Variants in ARHGEF11 observed in about 807,000 individuals in gnomAD.
The protein encoded by ARHGEF11 is Rho guanine nucleotide exchange factor 11, also known as Rho guanine exchange factor (GEF) 11.
A neutral mutation model predicts 193.7 loss-of-function variants in ARHGEF11; 55 were observed. The ratio of observed to expected loss-of-function variants is 0.28; its 90% CI spans 0.23 to 0.36. ARHGEF11 has a LOEUF of 0.36. Ranked by LOEUF, ARHGEF11 falls within the 10% of genes least tolerant of loss-of-function variation. The pLI, the probability that ARHGEF11 is intolerant of heterozygous loss-of-function variation, is 1.00. For synonymous variants in ARHGEF11, 693 were observed against 768.0 expected (o/e 0.90, Z 1.62); for missense variants, 1,723 against 2,005.6 (o/e 0.86, Z 2.69).
chr1:156,967,930 C>T, intron 11 of ARHGEF11, 57 bp downstream of exon 11: 2 of 1,611,122 alleles, frequency 1.2e-6, no homozygotes, highest in Admixed American at 1.7e-5. Flanking sequence ...AACACCCATG[C>T]CTCCAAATCT....
chr1:156,994,117 T>C (rs1413002738), intron 1 of ARHGEF11, among the ~76,000 whole-genome samples: 1 of 152,204 alleles, frequency 6.6e-6, no homozygotes. Flanking sequence ...ATCTTTCTTA[T>C]CTGCAAAATG....
chr1:156,957,679 T>G, intron 18 of ARHGEF11, 113 bp downstream of exon 18: 1 of 1,196,484 alleles, frequency 8.4e-7, no homozygotes, highest in Non-Finnish European at 1.2e-6. Context: ...CGGTCCTTCA[T>G]GGTTGTACAA....
chr1:156,991,628 T>C (rs1051771243), intron 1 of ARHGEF11, among the ~76,000 whole-genome samples: 3 of 151,900 alleles, frequency 2.0e-5, no homozygotes, highest in Middle Eastern at 3.4e-3. Flanking sequence ...TCTTAATCTG[T>C]TTTTATGTTA....
Position 156,948,327 on chromosome 1 carries a change from G to A in ARHGEF11, c.2097C>T (p.Leu699=), listed in dbSNP as rs1658531248. The change falls in exon 23 of 41, where the codon CTC becomes CTT. Residue 699 remains leucine, a synonymous_variant. Transcript: ENST00000368194. The surrounding 1 kb of genome is among the most constrained non-coding windows in gnomAD (Gnocchi z 4.2). ...GTTGTAGCCCTGCCCACCTGGTGGA[G>A]AGGCTGGAGGTAGAGGACGAGGCTG... is the stretch of plus-strand genomic sequence containing the variant. ...HQSASSSTSS[L]STRSLENPTP... is the part of the protein sequence containing the mutation. 2 of 1,613,892 alleles carry A rather than the reference G, an allele frequency of 1.2e-6. No homozygotes were observed. The highest frequency in any genetic ancestry group is 1.3e-5 in the African/African-American group (1 of 74,942).
At chr1:157,015,925 A>G (rs966485057) in intron 1 of ARHGEF11, among the ~76,000 whole-genome samples, 1 of 152,192 alleles carries the variant, frequency 6.6e-6, no homozygotes, top group Admixed American at 6.5e-5. Flanking sequence ...TCAACTGAGG[A>G]GGGGGAGAGA....
intron 33 of ARHGEF11, among the ~76,000 whole-genome samples, chr1:156,942,195 T>A (rs1480109126): frequency 6.6e-6 from 1 of 152,224 alleles, no homozygotes; most frequent in Non-Finnish European, 1.5e-5. Flanking sequence ...AACCCTCTGT[T>A]ACACTCTGTG....
Position 156,959,061 on chromosome 1 carries a change from T to C in ARHGEF11, c.1364A>G (p.Gln455Arg), listed in dbSNP as rs769287261. ...CTGGGCCAACCTGTAGTCGTGGATC[T>C]GCTCTTGGATCTCAGGCATGGCTGC... Reference protein sequence around the residue: ...QEAAMPEIQEQIHDYRTKRTL... With the variant: ...QEAAMPEIQERIHDYRTKRTL... Residue 455 changes from glutamine to arginine, a missense_variant, in exon 16 of 41, where the codon CAG (glutamine) becomes CGG (arginine). By Grantham distance (43) the Gln-to-Arg change is conservative. This residue lies in a region of ARHGEF11 where 646 missense variants were observed against 710.7 expected (regional missense o/e 0.91). Coordinates refer to ENST00000368194, the MANE Select transcript of ARHGEF11 (RefSeq NM_198236.3). The C allele has an allele frequency of 6.2e-7, 1 of 1,614,242 alleles. No homozygotes were observed. The highest frequency in any genetic ancestry group is 1.7e-5 in the Admixed American group (1 of 60,028).
chr1:157,018,029 G>A (rs1308240699), intron 1 of ARHGEF11, among the ~76,000 whole-genome samples: 1 of 152,002 alleles, frequency 6.6e-6, no homozygotes, highest in Non-Finnish European at 1.5e-5. Flanking sequence ...TAAAAATCAA[G>A]TATGTTTATA....
At position 156,940,384 on chromosome 1, in the gene ARHGEF11, G is replaced by C. The variant is rs753174533; in HGVS notation, c.3556C>G (p.Leu1186Val). The change falls in exon 36 of 41, where the codon CTG (leucine) becomes GTG (valine). Residue 1186 changes from leucine (L) to valine (V), a missense_variant. By Grantham distance (32) the Leu-to-Val change is conservative. Coordinates refer to ENST00000368194, the MANE Select transcript of ARHGEF11 (RefSeq NM_198236.3). ...QQRVQGKHQVLLEDPEQEGSA... is the reference protein window; with the variant it reads ...QQRVQGKHQVVLEDPEQEGSA... ...CCCTCCTGCTCAGGGTCCTCTAGCA[G>C]GACCTGGTGCTTCCCTTGGACCCTC... 2.7e-5 allele frequency: 43 copies of C among 1,612,692 alleles called. No individual in the cohort carries two copies. The highest frequency in any genetic ancestry group is 3.6e-5 in the Non-Finnish European group (43 of 1,179,080).
intron 32 of ARHGEF11, 95 bp downstream of exon 32, chr1:156,943,840 G>A: frequency 7.0e-7 from 1 of 1,424,870 alleles, no homozygotes; most frequent in South Asian, 1.4e-5. Context: ...GGACAGGTAG[G>A]TCCTGTAAAG....
In ARHGEF11 at chr1:156,980,327, G is replaced by A. The variant is rs963244661; in HGVS notation, c.273+110C>T. 8 of 1,330,504 alleles carry A rather than the reference G, an allele frequency of 6.0e-6. No homozygotes were observed. The South Asian group carries it at 8.9e-5, about 15-fold the overall frequency. 82.4% of individuals were successfully genotyped at this position (1,330,504 alleles called of 1,614,324 possible). A position where few individuals can be genotyped will look rare whatever the true frequency, so the allele number is the denominator to read the frequency against. ...TGGTACCACTCCTAACTCAGTGGCT[G>A]CCTGGCAGTTGGTATCAAGATGAAA... On this transcript the variant is annotated intron_variant, in intron 4 of 40. Transcript: ENST00000368194.
At chr1:156,950,820 ACC>A (rs1658979560) in intron 22 of ARHGEF11, among the ~76,000 whole-genome samples, 1 of 152,038 alleles carries the variant, frequency 6.6e-6, no homozygotes, top group Non-Finnish European at 1.5e-5. Context: ...ATATTACTCT[ACC>A]TGTTTAAGTC....
In ARHGEF11 at chr1:156,948,305, G is replaced by C. The variant is rs756459727; in HGVS notation, c.2105+14C>G. On this transcript the variant is annotated intron_variant, in intron 23 of 40. Transcript: ENST00000368194. The surrounding 1 kb of genome is among the most constrained non-coding windows in gnomAD (Gnocchi z 4.2). ...TGAGATGTCCATGGGTGCAGCCGTT[G>C]TAGCCCTGCCCACCTGGTGGAGAGG... The C allele has an allele frequency of 6.2e-7, 1 of 1,613,382 alleles. No homozygotes were observed. The highest frequency in any genetic ancestry group is 1.1e-5 in the South Asian group (1 of 91,062).
intron 7 of ARHGEF11, among the ~76,000 whole-genome samples, chr1:156,972,686 T>G (rs1435728628): frequency 6.6e-6 from 1 of 152,226 alleles, no homozygotes; most frequent in African/African-American, 2.4e-5. Context: ...ATCTTCTCCA[T>G]GCCCATCAAA....
rs964369224 is a variant in ARHGEF11, at chr1:156,934,967, T to TTATA, written c.*1029_*1032dup. 1.8e-4 allele frequency: 26 copies of TTATA among 147,132 alleles called. No individual in the cohort carries two copies. Among genetic ancestry groups the TTATA allele is most frequent in the Non-Finnish European group, 3.0e-5 (2 of 66,892 alleles). 9.1% of individuals were successfully genotyped at this position (147,132 alleles called of 1,614,324 possible). On this transcript the variant is annotated 3_prime_UTR_variant, in exon 41 of 41. Transcript: ENST00000368194. ...TATATTTTATATATTATATATATAT[T>TTATA]TATATATATATATATGTATATATAC...
At chr1:157,032,823 C>T (rs1293940420) in intron 1 of ARHGEF11, among the ~76,000 whole-genome samples, 5 of 152,174 alleles carry the variant, frequency 3.3e-5, no homozygotes, top group African/African-American at 9.7e-5. Context: ...CTGTCCTTTT[C>T]GTCCATGACC....
At chr1:156,947,189 C>T in intron 26 of ARHGEF11, 115 bp downstream of exon 26, 2 of 1,500,300 alleles carry the variant, frequency 1.3e-6, no homozygotes, top group Non-Finnish European at 1.8e-6. Flanking sequence ...ATCTTTTTCT[C>T]ACCAGGGATT....
At chr1:156,959,185 G>C (rs764014350) in intron 15 of ARHGEF11, 43 bp from the exon 16 acceptor site, 16 of 1,549,112 alleles carry the variant, frequency 1.0e-5, no homozygotes, top group Admixed American at 1.7e-5. Flanking sequence ...TGGGGTACTG[G>C]GGGTGGAGGG....
intron 18 of ARHGEF11, 40 bp from the exon 19 acceptor site, chr1:156,956,604 G>A: frequency 6.2e-7 from 1 of 1,612,106 alleles, no homozygotes; most frequent in East Asian, 2.2e-5. Flanking sequence ...GAGAGCTCAA[G>A]TTATCTTCCC....
Sources: allele counts gnomAD v4.1 joint callset (sites outside exome capture counted in the v4.1 genomes callset), GRCh38; gene constraint gnomAD v4.1.1; regional missense constraint gnomAD v4.1.1; non-coding constraint Gnocchi (gnomAD v3.1); transcripts MANE v1.5; gene names NCBI Gene and HGNC (gene_info 2026-07-23, HGNC 2026-07-21).